ZNRF3: variants seen among roughly 807,000 people sequenced by gnomAD.
ZNRF3 encodes the protein zinc and ring finger 3.
Under a neutral mutation model 72.5 loss-of-function variants are expected in ZNRF3, and 23 were observed. The ratio of observed to expected loss-of-function variants is 0.32; its 90% CI spans 0.23 to 0.45. The LOEUF is 0.45. ZNRF3 is among the 20% of genes least tolerant of loss of function. ZNRF3 has a pLI of 1.00. For missense variants in ZNRF3, 1,169 were observed against 1,272.1 expected (o/e 0.92, Z 1.23); for synonymous variants, 610 against 545.3 (o/e 1.12, Z -1.65).
chr22:28,942,019 T>C (rs149089885), intron 1 of ZNRF3, among the ~76,000 whole-genome samples: 2 of 152,286 alleles, frequency 1.3e-5, no homozygotes, highest in African/African-American at 4.8e-5. Context: ...AGTCTTCGAC[T>C]TCTGAGGTTT....
Position 29,049,232 on chromosome 22 carries a change from A to G in ZNRF3, c.1051A>G (p.Thr351Ala). 1.2e-6 allele frequency: 2 copies of G among 1,611,428 alleles called. No homozygotes were observed. Among genetic ancestry groups the G allele is most frequent in the Non-Finnish European group, 1.7e-6 (2 of 1,178,570 alleles). ...AAACCCAAGCGCGGTGTGTGTGGAG[A>G]CCAGCAACCTCTCACGTGGTCGGCA... is the stretch of plus-strand genomic sequence containing the variant. ...KGNPSAVCVE[T>A]SNLSRGRQQR... Residue 351 changes from threonine (T) to alanine (A), a missense_variant, in exon 8 of 9, where the codon ACC becomes GCC. By Grantham distance (58) the Thr-to-Ala change is moderately conservative. This residue lies in a region of ZNRF3 where 386 missense variants were observed against 540.7 expected (regional missense o/e 0.71). Transcript: ENST00000544604. This position sits in a 1 kb window ranked among gnomAD's most constrained non-coding sequence, Gnocchi z 5.2.
rs147819331 is a variant in ZNRF3, at chr22:28,999,249, G to A, written c.426+12048G>A. On this transcript the variant is annotated intron_variant, in intron 2 of 8. Transcript: ENST00000544604. The stretch of plus-strand genomic sequence containing the variant: ...CTCAGAAGGCTGAGGCAGGAGAATT[G>A]CTTGAACCTGGGAGGTGGGGGTTGC... Among the ~76,000 whole-genome samples, 1,143 of 151,982 alleles carry A rather than the reference G, an allele frequency of 7.5e-3. 21 individuals carry two copies. Among genetic ancestry groups the A allele is most frequent in the African/African-American group, 0.027 (1,104 of 41,432 alleles).
intron 2 of ZNRF3, among the ~76,000 whole-genome samples, chr22:29,005,432 CTT>C (rs1310868948): frequency 1.3e-5 from 2 of 152,206 alleles, no homozygotes; most frequent in African/African-American, 4.8e-5. Flanking sequence ...GTTTAGGAAC[CTT>C]TCTGAAATTG....
intron 1 of ZNRF3, among the ~76,000 whole-genome samples, chr22:28,894,051 C>A (rs1327456466): frequency 6.6e-6 from 1 of 152,084 alleles, no homozygotes; most frequent in African/African-American, 2.4e-5. Context: ...AAATCTCAGG[C>A]TCACAAGTGA....
chr22:28,966,704 A>G (rs900214668), intron 1 of ZNRF3, among the ~76,000 whole-genome samples: 1 of 152,104 alleles, frequency 6.6e-6, no homozygotes, highest in East Asian at 1.9e-4. Flanking sequence ...ACAGCTGTAC[A>G]ATGTGTTTCT....
chr22:29,038,856 C>T (rs151161269), intron 2 of ZNRF3, among the ~76,000 whole-genome samples: 31 of 152,018 alleles, frequency 2.0e-4, no homozygotes, highest in African/African-American at 6.8e-4. Context: ...ATCACCTGTG[C>T]GAATGAAGTA....
Position 28,883,620 on chromosome 22 carries a change from G to T in ZNRF3, c.-147G>T. The T allele has an allele frequency of 1.2e-6, 1 of 805,446 alleles. No homozygotes were observed. Among genetic ancestry groups the T allele is most frequent in the Non-Finnish European group, 1.5e-6 (1 of 665,372 alleles). The allele number at this position is 805,446 out of a possible 1,614,324, so 49.9% of individuals were successfully genotyped here. A position where few individuals can be genotyped will look rare whatever the true frequency, so the allele number is the denominator to read the frequency against. On this transcript the variant is annotated 5_prime_UTR_variant, in exon 1 of 9. Coordinates refer to ENST00000544604, the MANE Select transcript of ZNRF3 (RefSeq NM_001206998.2). The surrounding 1 kb of genome is among the most constrained non-coding windows in gnomAD (Gnocchi z 5.5). ...TGAAAGGGCCGCGGCGCGACGGCCG[G>T]GGGAGCCGAGCTGAGCCTGCGACCC...
At chr22:28,985,286 C>T (rs1011648687) in intron 1 of ZNRF3, among the ~76,000 whole-genome samples, 1 of 152,168 alleles carries the variant, frequency 6.6e-6, no homozygotes, top group African/African-American at 2.4e-5. Context: ...CTTTCCTTCT[C>T]AGTGTAGACA....
intron 2 of ZNRF3, among the ~76,000 whole-genome samples, chr22:28,990,928 C>T (rs2035940887): frequency 6.6e-6 from 1 of 151,920 alleles, no homozygotes; most frequent in Non-Finnish European, 1.5e-5. Flanking sequence ...TAACTCAAGG[C>T]AGAATAAATG....
intron 2 of ZNRF3, among the ~76,000 whole-genome samples, chr22:29,032,428 C>T (rs1321330705): frequency 6.6e-6 from 1 of 152,158 alleles, no homozygotes. Context: ...CTTTTAGTGC[C>T]TGGGGTCAAG....
chr22:29,024,662 A>G (rs932371087), intron 2 of ZNRF3, among the ~76,000 whole-genome samples: 1 of 152,112 alleles, frequency 6.6e-6, no homozygotes, highest in Non-Finnish European at 1.5e-5. Flanking sequence ...TTCTTTTGGC[A>G]TATGATTGTA....
chr22:28,938,927 A>G (rs2034890468), intron 1 of ZNRF3, among the ~76,000 whole-genome samples: 1 of 152,148 alleles, frequency 6.6e-6, no homozygotes, highest in African/African-American at 2.4e-5. Flanking sequence ...CTAATTCTGA[A>G]TATTACTGTT....
At chr22:29,007,261 A>G (rs531427598) in intron 2 of ZNRF3, among the ~76,000 whole-genome samples, 2 of 152,292 alleles carry the variant, frequency 1.3e-5, no homozygotes, top group African/African-American at 2.4e-5. Flanking sequence ...CTAGGGGGAA[A>G]GTTTGGTTAA....
intron 2 of ZNRF3, among the ~76,000 whole-genome samples, chr22:28,996,672 G>C (rs1465249177): frequency 1.3e-5 from 2 of 152,180 alleles, no homozygotes; most frequent in African/African-American, 4.8e-5. Flanking sequence ...AAAGAATGTT[G>C]GTTCTGAAGT....
intron 1 of ZNRF3, among the ~76,000 whole-genome samples, chr22:28,955,213 T>A (rs550216204): frequency 2.0e-5 from 3 of 151,690 alleles, no homozygotes; most frequent in African/African-American, 4.8e-5. Context: ...GCTAATTTTT[T>A]AAAATGTTTT....
intron 1 of ZNRF3, among the ~76,000 whole-genome samples, chr22:28,957,478 C>T (rs953534183): frequency 3.9e-5 from 6 of 152,096 alleles, no homozygotes; most frequent in Non-Finnish European, 2.9e-5. Context: ...CTCGCCCTGT[C>T]GCCCAGGCTG....
At chr22:28,926,797 C>CAA (rs747908278) in intron 1 of ZNRF3, among the ~76,000 whole-genome samples, 43 of 77,470 alleles carry the variant, frequency 5.6e-4, no homozygotes, top group South Asian at 1.3e-3. Flanking sequence ...AACTCCATCT[C>CAA]AAAAAAAAAA....
intron 1 of ZNRF3, among the ~76,000 whole-genome samples, chr22:28,928,636 G>A (rs2034646094): frequency 6.6e-6 from 1 of 151,780 alleles, no homozygotes; most frequent in South Asian, 2.1e-4. Context: ...TGGGATTACA[G>A]GCATACGCCA....
At chr22:29,007,423 G>A (rs937194921) in intron 2 of ZNRF3, among the ~76,000 whole-genome samples, 13 of 152,250 alleles carry the variant, frequency 8.5e-5, no homozygotes, top group Middle Eastern at 3.4e-3. Context: ...AATCGCTTAA[G>A]GCCAGGAGTT....
Sources: gnomAD v4.1 joint callset for allele counts (sites outside exome capture counted in the v4.1 genomes callset) on GRCh38, gnomAD v4.1.1 for gene constraint, gnomAD v4.1.1 regional missense constraint, Gnocchi (gnomAD v3.1) non-coding constraint, MANE v1.5 for transcripts, NCBI Gene and HGNC (gene_info 2026-07-23, HGNC 2026-07-21) for gene names.